The following MUC6 variants were observed in gnomAD, a reference collection of about 807,000 sequenced individuals.
MUC6 encodes mucin-6.
In MUC6, 188 loss-of-function variants were observed where a neutral mutation model predicts 201.5. That is an observed-to-expected ratio of 0.93 (90% CI 0.83 to 1.05). MUC6 has a LOEUF of 1.05. MUC6 is among the 50% of genes least tolerant of loss of function. The probability of loss-of-function intolerance (pLI) is 0.00; values close to 1 mark genes in which losing one functional copy is unlikely to be tolerated. For missense variants in MUC6, 2,706 were observed against 3,256.9 expected, an observed-to-expected ratio of 0.83 and a Z score of 4.12; for synonymous variants, 1,228 against 1,389.4, an observed-to-expected ratio of 0.88 and a Z score of 2.58.
rs1346952414 is a variant in MUC6, at chr11:1,016,069, G to A, written c.6732C>T (p.Ser2244=). Residue 2244 remains serine, a synonymous_variant, in exon 31 of 33, where the codon AGC becomes AGT. Transcript: ENST00000421673. ...TGGGCGTGGACGGAAATGCAATGGT[G>A]CTGGAGGCTAGGTGGCTGGATGGGG... ...SPTPSSHLAS[S]TIAFPSTPRT... 6.2e-7 allele frequency: 1 copy of A among 1,613,046 alleles called. No homozygotes were observed. Among genetic ancestry groups the A allele is most frequent in the Admixed American group, 1.7e-5 (1 of 59,990 alleles).
Position 1,030,212 on chromosome 11 carries a change from C to G in MUC6, c.1015+1G>C. On this transcript the variant is annotated splice_donor_variant, in intron 8 of 32. Transcript: ENST00000421673. LOFTEE classifies it high-confidence loss of function. ...GAGAGAGTGCCTGCGACTGCCCTCA[C>G]CTTCCGGGCAGAAGCACCCGAAGGT... 6.4e-7 allele frequency: 1 copy of G among 1,550,794 alleles called. No individual in the cohort carries two copies.
At chr11:1,014,887 C>T (rs1856565697) in intron 31 of MUC6, among the ~76,000 whole-genome samples, 1 of 152,210 alleles carries the variant, frequency 6.6e-6, no homozygotes, top group African/African-American at 2.4e-5. Context: ...GCCTCTGCTT[C>T]TTGGGGTCAC....
chr11:1,032,190 TC>T, intron 2 of MUC6, 137 bp from the exon 3 acceptor site: 1 of 1,199,574 alleles, frequency 8.3e-7, no homozygotes, highest in Non-Finnish European at 1.1e-6. Flanking sequence ...ACCCCAGACA[TC>T]CGATGAACCT....
intron 26 of MUC6, 63 bp from the exon 27 acceptor site, chr11:1,021,340 C>T (rs1008297548): frequency 3.4e-6 from 4 of 1,171,952 alleles, no homozygotes; most frequent in Non-Finnish European, 4.6e-6. Context: ...CTGCGTGTTT[C>T]CTGCCCTGGC....
chr11:1,023,662 A>G lies in MUC6; in HGVS notation c.3383-10T>C. On this transcript the variant is annotated splice_polypyrimidine_tract_variant and intron_variant, in intron 25 of 32. Transcript: ENST00000421673. Reference sequence around the variant, plus strand: ...AAGCCGCAGTAGATGGCTGGGAGGAAGGGAGCTGTCAGCTGGTGGGGTTCC... The same window carrying G: ...AAGCCGCAGTAGATGGCTGGGAGGAGGGGAGCTGTCAGCTGGTGGGGTTCC... 2.5e-6 allele frequency: 4 copies of G among 1,611,558 alleles called. No homozygotes were observed. Among genetic ancestry groups the G allele is most frequent in the Non-Finnish European group, 3.4e-6 (4 of 1,179,270 alleles).
intron 8 of MUC6, 151 bp downstream of exon 8, chr11:1,030,062 G>T: frequency 9.3e-7 from 1 of 1,080,016 alleles, no homozygotes; most frequent in Non-Finnish European, 1.3e-6. Flanking sequence ...GGCGGGAAAA[G>T]CCTGTCCCAG....
intron 26 of MUC6, among the ~76,000 whole-genome samples, chr11:1,022,117 GCGCCCCT>G (rs1856824490): frequency 2.6e-5 from 3 of 117,220 alleles, no homozygotes; most frequent in Non-Finnish European, 3.4e-5. Flanking sequence ...CTGCAGCCCC[GCGCCCCT>G]CACTCGCTCT....
chr11:1,014,082 G>C, intron 31 of MUC6, 81 bp from the exon 32 acceptor site: 1 of 1,196,366 alleles, frequency 8.4e-7, no homozygotes, highest in Non-Finnish European at 1.2e-6. Flanking sequence ...AGAGACCGGG[G>C]TCCCCACCTG....
rs771155565 is a variant in MUC6, at chr11:1,016,454, G to A, written c.6347C>T (p.Ser2116Phe). The A allele has an allele frequency of 6.2e-7, 1 of 1,613,788 alleles. No homozygotes were observed. Among genetic ancestry groups the A allele is most frequent in the African/African-American group, 1.3e-5 (1 of 74,886 alleles). Reference sequence around the variant, plus strand: ...AGTTGTGGAAACAGGAGTGGTTGCAGAACTCAAGTGGGGGAGTTGTGTGGT... The same window carrying A: ...AGTTGTGGAAACAGGAGTGGTTGCAAAACTCAAGTGGGGGAGTTGTGTGGT... ...PITTQLPHLSSATTPVSTTNQ... is the reference protein window; with the variant it reads ...PITTQLPHLSFATTPVSTTNQ... Residue 2116 changes from serine to phenylalanine, a missense_variant, in exon 31 of 33, where the codon TCT becomes TTT. By Grantham distance (155) the Ser-to-Phe change is radical (BLOSUM62 -2). Around this residue, in one of 10 missense-constraint regions of MUC6, gnomAD observed 586 missense variants for 488.0 expected, o/e 1.20. Transcript: ENST00000421673.
chr11:1,013,647 A>G lies in MUC6; in HGVS notation c.7143-14T>C. The stretch of plus-strand genomic sequence containing the variant: ...ATGATGTTGAAGCTGCCGAGAAGTC[A>G]AGACAGAGCAGGGTCATGACTGCTG... On this transcript the variant is annotated splice_polypyrimidine_tract_variant and intron_variant, in intron 32 of 32. Transcript: ENST00000421673. The G allele has an allele frequency of 6.4e-7, 1 of 1,554,786 alleles. No individual in the cohort carries two copies. The highest frequency in any genetic ancestry group is 8.7e-7 in the Non-Finnish European group (1 of 1,150,340).
In MUC6 at chr11:1,031,694, G is replaced by A. The variant is rs1857108648; in HGVS notation, c.396C>T (p.Ile132=). 3.2e-6 allele frequency: 5 copies of A among 1,550,810 alleles called. No individual in the cohort carries two copies. The highest frequency in any genetic ancestry group is 2.7e-5 in the African/African-American group (2 of 73,050). ...SLPYTSNGLQ[I]TPFGQSVRLV... is the part of the protein sequence containing the mutation. Reference sequence around the variant, plus strand: ...GCCGCACGCTCTGGCCGAAGGGTGTGATCTGGAGTCCATTGCTGGTATAGG... The same window carrying A: ...GCCGCACGCTCTGGCCGAAGGGTGTAATCTGGAGTCCATTGCTGGTATAGG... The change falls in exon 4 of 33, where the codon ATC becomes ATT. Residue 132 remains isoleucine, a synonymous_variant. Coordinates refer to ENST00000421673, the MANE Select transcript of MUC6 (RefSeq NM_005961.3).
In MUC6 at chr11:1,026,993, A is replaced by G. The variant is rs200307840; in HGVS notation, c.2342T>C (p.Phe781Ser). Residue 781 changes from phenylalanine (F) to serine (S), a missense_variant, in exon 19 of 33, where the codon TTT (phenylalanine) becomes TCT (serine). Coordinates refer to ENST00000421673, the MANE Select transcript of MUC6 (RefSeq NM_005961.3). ...GCATGTGGGGGCACAGGCTGCCCCA[A>G]ACTTGTTCTCGGAGGACTGGCTGCA... ...KSCSQSSENKFGAACAPTCQM... is the reference protein window; with the variant it reads ...KSCSQSSENKSGAACAPTCQM... The G allele has an allele frequency of 5.3e-5, 85 of 1,602,442 alleles. 1 individual carries two copies. In the Middle Eastern group the frequency reaches 8.2e-4, roughly 16 times the overall value.
chr11:1,036,551 A>G, intron 1 of MUC6, 53 bp downstream of exon 1: 2 of 1,541,618 alleles, frequency 1.3e-6, no homozygotes, highest in South Asian at 1.2e-5. Context: ...ACCCCCGCAC[A>G]CAGGGCCCCT....
At chr11:1,024,269 C>T (rs1856896562) in intron 24 of MUC6, among the ~76,000 whole-genome samples, 166 bp from the exon 25 acceptor site, 1 of 152,182 alleles carries the variant, frequency 6.6e-6, no homozygotes, top group Admixed American at 6.5e-5. Flanking sequence ...GCTAGCCACG[C>T]TCCCGGAGCC....
rs1005305369 is a variant in MUC6 at position 1,030,992 on chromosome 11, G to A, written c.639C>T (p.Cys213=). The A allele has an allele frequency of 4.4e-6, 7 of 1,586,144 alleles. No individual in the cohort carries two copies. Among genetic ancestry groups the A allele is most frequent in the Non-Finnish European group, 6.0e-6 (7 of 1,167,446 alleles). The change falls in exon 6 of 33, where the codon TGC becomes TGT. Residue 213 remains cysteine, a synonymous_variant. Transcript: ENST00000421673. ...GGGTGCTGGGGATGTCCTGGAAGGT[G>A]CAGATCTCGCCGGGGTCGTCCAGCT... ...LQKLDDPGEI[C]TFQDIPSTHV...
chr11:1,018,908 A>C, intron 30 of MUC6, 138 bp from the exon 31 acceptor site: 1 of 1,136,166 alleles, frequency 8.8e-7, no homozygotes, highest in Non-Finnish European at 1.2e-6. Context: ...CCTGCTGGGC[A>C]CTCCAGCCTG....
intron 9 of MUC6, 53 bp downstream of exon 9, chr11:1,029,442 G>C (rs2133833382): frequency 1.2e-6 from 2 of 1,606,046 alleles, no homozygotes; most frequent in Non-Finnish European, 1.7e-6. Context: ...GCCTGCCCTA[G>C]GCCAGTGGAA....
rs1474759044 is a variant in MUC6 at position 1,033,108 on chromosome 11, C to T, written c.53-33G>A. The T allele has an allele frequency of 5.0e-6, 8 of 1,609,512 alleles. No individual in the cohort carries two copies. The highest frequency in any genetic ancestry group is 4.0e-5 in the African/African-American group (3 of 74,762). ...GACGGGACCCGCAGTCGGTGTGGGG[C>T]TACCCCGTCGTCCCTGAGGGCGCCG... On this transcript the variant is annotated intron_variant, in intron 1 of 32. Coordinates refer to ENST00000421673, the MANE Select transcript of MUC6 (RefSeq NM_005961.3). The surrounding 1 kb of genome is among the most constrained non-coding windows in gnomAD (Gnocchi z 5.6).
chr11:1,032,951 C>G, intron 2 of MUC6, 62 bp downstream of exon 2: 5 of 1,481,638 alleles, frequency 3.4e-6, no homozygotes, highest in Non-Finnish European at 4.6e-6. Context: ...CCGGGCCCCT[C>G]TCTCCTGCAC....
Sources: gnomAD v4.1 joint callset for allele counts (sites outside exome capture counted in the v4.1 genomes callset) on GRCh38, gnomAD v4.1.1 for gene constraint, gnomAD v4.1.1 regional missense constraint, Gnocchi (gnomAD v3.1) non-coding constraint, MANE v1.5 for transcripts, NCBI Gene and HGNC (gene_info 2026-07-23, HGNC 2026-07-21) for gene names.